MPDZ: variants seen among roughly 807,000 people sequenced by gnomAD.
MPDZ encodes multiple PDZ domain crumbs cell polarity complex component.
In MPDZ, 234 loss-of-function variants were observed where a neutral mutation model predicts 239.1. That is an observed-to-expected ratio of 0.98 (90% CI 0.88 to 1.09). The LOEUF (loss-of-function observed/expected upper bound fraction) is 1.09, where lower values mean the gene tolerates loss of function less well. MPDZ is among the 50% of genes least tolerant of loss of function. The pLI is 0.00. For missense variants in MPDZ, 3,175 were observed against 2,510.0 expected, an observed-to-expected ratio of 1.26 and a Z score of -5.66; for synonymous variants, 1,048 against 881.3, an observed-to-expected ratio of 1.19 and a Z score of -3.35.
intron 35 of MPDZ, among the ~76,000 whole-genome samples, chr9:13,124,457 C>A (rs532697121): frequency 6.6e-6 from 1 of 152,146 alleles, no homozygotes; most frequent in Non-Finnish European, 1.5e-5. Flanking sequence ...CCCTCCACCC[C>A]CCGTTACAGA....
intron 10 of MPDZ, among the ~76,000 whole-genome samples, chr9:13,215,738 G>C: frequency 7.3e-6 from 1 of 136,432 alleles, no homozygotes; most frequent in East Asian, 2.2e-4. Context: ...AGATAAACAG[G>C]TTTCTCTATT....
At chr9:13,226,117 G>C (rs1024853664) in intron 3 of MPDZ, among the ~76,000 whole-genome samples, 2 of 151,948 alleles carry the variant, frequency 1.3e-5, no homozygotes, top group African/African-American at 4.8e-5. Context: ...ACCCTAACTC[G>C]CCACAGTTGG....
chr9:13,175,705 G>A, intron 21 of MPDZ, 47 bp downstream of exon 21: 1 of 1,491,622 alleles, frequency 6.7e-7, no homozygotes, highest in South Asian at 1.2e-5. Flanking sequence ...ATTTCCCCTT[G>A]TCAAGGGGGT....
chr9:13,251,813 C>A (rs977418978), intron 1 of MPDZ, among the ~76,000 whole-genome samples: 1 of 152,198 alleles, frequency 6.6e-6, no homozygotes, highest in African/African-American at 2.4e-5. Context: ...GAAACATCAA[C>A]TCCATTTCAA....
At chr9:13,185,803 T>G (rs185490880) in intron 18 of MPDZ, among the ~76,000 whole-genome samples, 1 of 152,168 alleles carries the variant, frequency 6.6e-6, no homozygotes, top group Admixed American at 6.6e-5. Context: ...ATAGAAAACA[T>G]GGGGTTTACC....
At chr9:13,164,257 CT>C (rs1950796679) in intron 22 of MPDZ, among the ~76,000 whole-genome samples, 1 of 152,170 alleles carries the variant, frequency 6.6e-6, no homozygotes, top group Non-Finnish European at 1.5e-5. Context: ...AATTCTGGCC[CT>C]ATTTAATTTA....
intron 1 of MPDZ, among the ~76,000 whole-genome samples, chr9:13,270,201 T>C (rs966887972): frequency 6.6e-6 from 1 of 152,210 alleles, no homozygotes; most frequent in Non-Finnish European, 1.5e-5. Context: ...ACAAACCAAC[T>C]TTTACTTTCG....
chr9:13,221,550 C>A (rs1959095522), intron 6 of MPDZ, 50 bp from the exon 7 acceptor site: 3 of 1,572,844 alleles, frequency 1.9e-6, no homozygotes, highest in African/African-American at 1.4e-5. Context: ...AAAGCACTAC[C>A]ATTTTACATT....
chr9:13,137,984 T>C lies in MPDZ; in HGVS notation c.4173A>G (p.Arg1391=). The stretch of plus-strand genomic sequence containing the variant: ...CTAGAAGCTCATCTGCAATTTGCAA[T>C]CGACCATCTTTTCCTGCAGCTCCAT... ...DPNGAAGKDG[R]LQIADELLEI... Residue 1391 remains arginine (R), a synonymous_variant, in exon 29 of 47, where the codon CGA becomes CGG. Transcript: ENST00000319217. The C allele has an allele frequency of 6.2e-7, 1 of 1,613,830 alleles. No homozygotes were observed. Among genetic ancestry groups the C allele is most frequent in the Non-Finnish European group, 8.5e-7 (1 of 1,179,796 alleles).
At chr9:13,151,902 A>G (rs1949224632) in intron 24 of MPDZ, among the ~76,000 whole-genome samples, 1 of 151,980 alleles carries the variant, frequency 6.6e-6, no homozygotes, top group Non-Finnish European at 1.5e-5. Context: ...TAAAACAAAG[A>G]TAGTTTAAAA....
intron 3 of MPDZ, among the ~76,000 whole-genome samples, chr9:13,244,545 A>T (rs1966150817): frequency 1.3e-5 from 2 of 152,128 alleles, no homozygotes; most frequent in African/African-American, 2.4e-5. Context: ...AACAATACAC[A>T]ATGTGGCAGA....
intron 27 of MPDZ, among the ~76,000 whole-genome samples, chr9:13,141,868 G>C (rs1947747084): frequency 6.6e-6 from 1 of 152,046 alleles, no homozygotes; most frequent in South Asian, 2.1e-4. Context: ...ATATGTCATT[G>C]GACAAACAGA....
intron 10 of MPDZ, among the ~76,000 whole-genome samples, chr9:13,209,943 A>C (rs1957422529): frequency 6.6e-6 from 1 of 151,856 alleles, no homozygotes; most frequent in Non-Finnish European, 1.5e-5. Context: ...CACACTAATA[A>C]AAGAAATTAT....
rs1442316788 is a variant in MPDZ, at chr9:13,111,894, T to A, written c.5724+130A>T. 5 of 803,798 alleles carry A rather than the reference T, an allele frequency of 6.2e-6. No individual in the cohort carries two copies. In the East Asian group the frequency reaches 1.6e-4, roughly 25 times the overall value. The allele number at this position is 803,798 out of a possible 1,614,324, so 49.8% of individuals were successfully genotyped here. A position where few individuals can be genotyped will look rare whatever the true frequency, so the allele number is the denominator to read the frequency against. On this transcript the variant is annotated intron_variant, in intron 43 of 46. Transcript: ENST00000319217. ...TTATTCCAAGCAAGCCTTGCTGTGG[T>A]TGGATTAGATGATTTAAAAGTAAAT...
At chr9:13,160,674 T>A (rs1254526026) in intron 23 of MPDZ, among the ~76,000 whole-genome samples, 8 of 151,194 alleles carry the variant, frequency 5.3e-5, no homozygotes, top group Admixed American at 5.3e-4. Context: ...GCTTTGTAAG[T>A]GTAAAGTAAA....
chr9:13,170,499 C>T (rs1951655838), intron 21 of MPDZ, among the ~76,000 whole-genome samples: 1 of 152,130 alleles, frequency 6.6e-6, no homozygotes, highest in Non-Finnish European at 1.5e-5. Flanking sequence ...AAGGCTGAAT[C>T]TGAAATTTTT....
At chr9:13,173,074 T>G (rs767074370) in intron 21 of MPDZ, among the ~76,000 whole-genome samples, 1 of 152,154 alleles carries the variant, frequency 6.6e-6, no homozygotes, top group Admixed American at 6.5e-5. Flanking sequence ...ATCAAATTCA[T>G]AGAGACAGAA....
At position 13,188,788 on chromosome 9, in the gene MPDZ, A is replaced by G. The variant is rs756506396; in HGVS notation, c.2360T>C (p.Leu787Ser). The stretch of plus-strand genomic sequence containing the variant: ...CAATAAAGTCTGAATTCTTACGGGT[A>G]AAGGCTTAGCAACTCCTATTCTCAC... ...GTVRIGVAKP[L>S]PLSPEEGYVS... is the part of the protein sequence containing the mutation. The change falls in exon 17 of 47, where the codon TTA (leucine) becomes TCA (serine). Residue 787 changes from leucine (L) to serine (S), a missense_variant. By Grantham distance (145) the Leu-to-Ser change is moderately radical (BLOSUM62 -2). Transcript: ENST00000319217. The G allele has an allele frequency of 1.9e-6, 3 of 1,612,274 alleles. No homozygotes were observed. The highest frequency in any genetic ancestry group is 4.5e-5 in the East Asian group (2 of 44,820).
intron 32 of MPDZ, among the ~76,000 whole-genome samples, 187 bp downstream of exon 32, chr9:13,133,637 C>T (rs73406216): frequency 0.012 from 1,895 of 152,262 alleles, 43 homozygotes; most frequent in South Asian, 0.092. Context: ...ACAAACTTCT[C>T]GGCCCAACCC....
Sources: allele counts gnomAD v4.1 joint callset (sites outside exome capture counted in the v4.1 genomes callset), GRCh38; gene constraint gnomAD v4.1.1; transcripts MANE v1.5; gene names NCBI Gene and HGNC (gene_info 2026-07-23, HGNC 2026-07-21).